The following TG variants were observed in gnomAD, a reference collection of about 807,000 sequenced individuals.
TG encodes the protein thyroid hormones.
A neutral mutation model predicts 324.7 loss-of-function variants in TG; 270 were observed. The ratio of observed to expected loss-of-function variants is 0.83; its 90% CI spans 0.75 to 0.92. The LOEUF (loss-of-function observed/expected upper bound fraction) is 0.92. TG is among the 40% of genes least tolerant of loss of function. The probability of loss-of-function intolerance (pLI) is 0.00; values close to 1 mark genes in which losing one functional copy is unlikely to be tolerated. For synonymous variants in TG, 1,401 were observed against 1,327.0 expected, an observed-to-expected ratio of 1.06 and a Z score of -1.21; for missense variants, 3,591 against 3,456.4, an observed-to-expected ratio of 1.04 and a Z score of -0.98.
intron 41 of TG, chr8:133,047,829 C>A: frequency 1.9e-6 from 3 of 1,541,128 alleles, no homozygotes; most frequent in Non-Finnish European, 2.7e-6. Context: ...GGGCCACTCA[C>A]CTTTCTTGGT....
intron 27 of TG, among the ~76,000 whole-genome samples, chr8:132,952,530 G>A (rs1309302956): frequency 6.6e-6 from 1 of 152,126 alleles, no homozygotes; most frequent in African/African-American, 2.4e-5. Flanking sequence ...TGGGACTTCG[G>A]GTGCAGACAC....
chr8:132,969,490 A>C lies in TG; in HGVS notation c.5896A>C (p.Thr1966Pro), dbSNP rs1290699659. The change falls in exon 32 of 48, where the codon ACT (threonine) becomes CCT (proline). Residue 1966 changes from threonine to proline, a missense_variant. Coordinates refer to ENST00000220616, the MANE Select transcript of TG (RefSeq NM_003235.5). ...ILEDKVKNFY[T>P]RLPFQKLMGI... Reference sequence around the variant, plus strand: ...GGAAGATAAAGTGAAGAACTTTTACACTCGCCTGCCGTTCCAAAAACTGAT... The same window carrying C: ...GGAAGATAAAGTGAAGAACTTTTACCCTCGCCTGCCGTTCCAAAAACTGAT... The C allele has an allele frequency of 9.3e-6, 15 of 1,613,798 alleles. No homozygotes were observed. Among genetic ancestry groups the C allele is most frequent in the Non-Finnish European group, 1.3e-5 (15 of 1,179,862 alleles).
chr8:133,123,574 C>T lies in TG; in HGVS notation c.7862+6858C>T, dbSNP rs950392652. 3.9e-5 allele frequency among the ~76,000 whole-genome samples: 6 copies of T among 152,294 alleles called. 1 individual carries two copies. The highest frequency in any genetic ancestry group is 4.1e-4 in the South Asian group (2 of 4,824). ...TGGTATTTCCATCTCTTTGACTCAC[C>T]GGTGATGTCCTCCTCTCTAAACAGC... is the stretch of plus-strand genomic sequence containing the variant. On this transcript the variant is annotated intron_variant, in intron 45 of 47. Transcript: ENST00000220616.
At chr8:133,092,665 G>T (rs1847750926) in intron 41 of TG, among the ~76,000 whole-genome samples, 1 of 152,156 alleles carries the variant, frequency 6.6e-6, no homozygotes, top group African/African-American at 2.4e-5. Flanking sequence ...CACTTCATCA[G>T]GGAGTGACAC....
chr8:132,967,383 T>C (rs1046627845), intron 30 of TG, among the ~76,000 whole-genome samples: 4 of 152,212 alleles, frequency 2.6e-5, no homozygotes, highest in Non-Finnish European at 5.9e-5. Context: ...AGCTCATATA[T>C]ACCAGGGGCA....
At chr8:133,051,550 A>G (rs1840407427) in intron 41 of TG, among the ~76,000 whole-genome samples, 1 of 152,082 alleles carries the variant, frequency 6.6e-6, no homozygotes, top group Admixed American at 6.6e-5. Context: ...TAATAGGGAC[A>G]TTTGTTGAGG....
chr8:132,908,291 A>G lies in TG; in HGVS notation c.3953A>G (p.Gln1318Arg), dbSNP rs765831974. 15 of 1,613,454 alleles carry G rather than the reference A, an allele frequency of 9.3e-6. 1 individual carries two copies. The South Asian group carries it at 1.5e-4, about 17-fold the overall frequency. The change falls in exon 18 of 48, where the codon CAG becomes CGG. Residue 1318 changes from glutamine to arginine, a missense_variant. Gln to Arg is a conservative substitution (Grantham distance 43). Transcript: ENST00000220616. Reference protein sequence around the residue: ...ADYADLLQTFQVFILDELTAR... With the variant: ...ADYADLLQTFRVFILDELTAR... ...TACGCGGATTTGCTGCAGACTTTCC[A>G]GGTTTTCATATTGGATGAGCTGACA...
At chr8:132,914,283 G>A (rs1469971168) in intron 20 of TG, among the ~76,000 whole-genome samples, 1 of 152,220 alleles carries the variant, frequency 6.6e-6, no homozygotes, top group Non-Finnish European at 1.5e-5. Flanking sequence ...GTCTCCTGAT[G>A]AGAAGCCTTC....
intron 11 of TG, among the ~76,000 whole-genome samples, chr8:132,894,230 C>T (rs962525265): frequency 6.6e-6 from 1 of 152,164 alleles, no homozygotes; most frequent in African/African-American, 2.4e-5. Context: ...CCCGTGAATG[C>T]TCAAACACCC....
At chr8:133,108,207 C>T (rs552690719) in intron 43 of TG, among the ~76,000 whole-genome samples, 2 of 151,696 alleles carry the variant, frequency 1.3e-5, no homozygotes, top group African/African-American at 2.4e-5. Context: ...AGGATGGTCT[C>T]GATCTCCTGA....
rs968457241 is a variant in TG, at chr8:133,013,672, A to G, written c.6470A>G (p.Tyr2157Cys). Residue 2157 changes from tyrosine to cysteine, a missense_variant, in exon 37 of 48, where the codon TAT becomes TGT. Tyr to Cys is a radical substitution (Grantham distance 194, BLOSUM62 -2). Transcript: ENST00000220616. Reference sequence around the variant, plus strand: ...CCTGGGGCTGTGAGATGTATGTTCTATGCTGATACTCAAAGCTGCACACAT... The same window carrying G: ...CCTGGGGCTGTGAGATGTATGTTCTGTGCTGATACTCAAAGCTGCACACAT... ...TQPGAVRCMF[Y>C]ADTQSCTHSL... 1 of 1,614,194 alleles carries G rather than the reference A, an allele frequency of 6.2e-7. No homozygotes were observed. Among genetic ancestry groups the G allele is most frequent in the Non-Finnish European group, 8.5e-7 (1 of 1,180,044 alleles).
intron 27 of TG, among the ~76,000 whole-genome samples, chr8:132,953,268 G>T (rs960582784): frequency 3.3e-5 from 5 of 152,130 alleles, no homozygotes; most frequent in African/African-American, 1.2e-4. Context: ...CCCCAGGCTG[G>T]AGCAGCCCCT....
At chr8:132,890,501 G>T (rs1816079077) in intron 10 of TG, among the ~76,000 whole-genome samples, 1 of 152,118 alleles carries the variant, frequency 6.6e-6, no homozygotes, top group Non-Finnish European at 1.5e-5. Context: ...ATCAAAACCT[G>T]CATTTCTACA....
At chr8:133,072,657 G>T (rs1358572039) in intron 41 of TG, among the ~76,000 whole-genome samples, 1 of 152,220 alleles carries the variant, frequency 6.6e-6, no homozygotes, top group Non-Finnish European at 1.5e-5. Flanking sequence ...ATCTATTAAT[G>T]CAGGGCACTG....
Position 132,886,222 on chromosome 8 carries a change from GT to G in TG, c.1076-225del, listed in dbSNP as rs1443066572. On this transcript the variant is annotated intron_variant, in intron 8 of 47. Transcript: ENST00000220616. Reference sequence around the variant, plus strand: ...AGGGATGAACCTCTAGTGAGAGCTGGTGGAGTGGTCATGCCAACTGGAAAAG... The same window carrying G: ...AGGGATGAACCTCTAGTGAGAGCTGGGGAGTGGTCATGCCAACTGGAAAAG... Among the ~76,000 whole-genome samples the G allele has an allele frequency of 1.3e-5, 2 of 152,156 alleles. 1 individual carries two copies. Among genetic ancestry groups the G allele is most frequent in the African/African-American group, 4.8e-5 (2 of 41,432 alleles).
Position 132,969,535 on chromosome 8 carries a change from A to G in TG, c.5941A>G (p.Lys1981Glu). The change falls in exon 32 of 48, where the codon AAA (lysine) becomes GAA (glutamate). Residue 1981 changes from lysine to glutamate, a missense_variant. Physicochemically the swap from Lys to Glu is moderately conservative, Grantham distance 56. Coordinates refer to ENST00000220616, the MANE Select transcript of TG (RefSeq NM_003235.5). ...QKLMGISIRN[K>E]VPMSEKSISN... Reference sequence around the variant, plus strand: ...ACTGATGGGGATATCCATTAGAAATAAAGTGCCCATGTCTGAAAAATCTAT... The same window carrying G: ...ACTGATGGGGATATCCATTAGAAATGAAGTGCCCATGTCTGAAAAATCTAT... 2 of 1,613,912 alleles carry G rather than the reference A, an allele frequency of 1.2e-6. No homozygotes were observed. The highest frequency in any genetic ancestry group is 8.5e-7 in the Non-Finnish European group (1 of 1,179,806).
chr8:132,882,759 T>C, intron 7 of TG, 55 bp from the exon 8 acceptor site: 2 of 1,612,942 alleles, frequency 1.2e-6, no homozygotes. Context: ...GTGCATGCTG[T>C]GAAGACACCA....
intron 41 of TG, chr8:133,038,487 G>A: frequency 1.3e-6 from 2 of 1,493,360 alleles, no homozygotes; most frequent in South Asian, 1.1e-5. Context: ...TGGAACTTCT[G>A]TTCCTTTTGG....
At chr8:133,000,933 T>C (rs527704937) in intron 35 of TG, among the ~76,000 whole-genome samples, 1 of 152,254 alleles carries the variant, frequency 6.6e-6, no homozygotes, top group East Asian at 1.9e-4. Context: ...AAGTCTGAGA[T>C]CAAAGTGTAG....
Sources: allele counts gnomAD v4.1 joint callset (sites outside exome capture counted in the v4.1 genomes callset), GRCh38; gene constraint gnomAD v4.1.1; transcripts MANE v1.5; gene names NCBI Gene and HGNC (gene_info 2026-07-23, HGNC 2026-07-21).